ANKAR: variants seen among roughly 807,000 people sequenced by gnomAD.
ANKAR encodes the protein ankyrin and armadillo repeat-containing protein.
In ANKAR, 136 loss-of-function variants were observed where a neutral mutation model predicts 146.2. The ratio of observed to expected loss-of-function variants is 0.93; its 90% confidence interval spans 0.81 to 1.07. The LOEUF (loss-of-function observed/expected upper bound fraction) is 1.07, where lower values mean the gene tolerates loss of function less well. ANKAR is among the 50% of genes least tolerant of loss of function. The probability of loss-of-function intolerance (pLI) is 0.00; values close to 1 mark genes in which losing one functional copy is unlikely to be tolerated. For synonymous variants in ANKAR, 500 were observed against 575.8 expected, an observed-to-expected ratio of 0.87 and a Z score of 1.88; for missense variants, 1,567 against 1,679.9, an observed-to-expected ratio of 0.93 and a Z score of 1.18.
At position 189,676,847 on chromosome 2, in the gene ANKAR, C is replaced by T. The variant is rs2033771560; in HGVS notation, c.357C>T (p.Ser119=). The T allele has an allele frequency of 1.2e-6, 2 of 1,614,144 alleles. No individual in the cohort carries two copies. Among genetic ancestry groups the T allele is most frequent in the East Asian group, 2.2e-5 (1 of 44,876 alleles). Residue 119 remains serine (S), a synonymous_variant, in exon 2 of 23, where the codon TCC becomes TCT. Coordinates refer to ENST00000684021, the MANE Select transcript of ANKAR (RefSeq NM_001378068.1). ...IGIYCLNQIP[S]ISLEANYDQS... is the part of the protein sequence containing the mutation. Reference sequence around the variant, plus strand: ...TTTATTGCCTAAATCAAATCCCTTCCATCAGTTTAGAAGCTAATTATGATC... The same window carrying T: ...TTTATTGCCTAAATCAAATCCCTTCTATCAGTTTAGAAGCTAATTATGATC...
intron 10 of ANKAR, among the ~76,000 whole-genome samples, chr2:189,711,415 A>G (rs185355396): frequency 6.6e-6 from 1 of 152,230 alleles, no homozygotes; most frequent in African/African-American, 2.4e-5. Flanking sequence ...GTTAATTTAA[A>G]TGTTAAATTA....
chr2:189,749,977 G>T (rs2044876989), downstream of ANKAR, among the ~76,000 whole-genome samples: 1 of 152,084 alleles, frequency 6.6e-6, no homozygotes, highest in African/African-American at 2.4e-5. Context: ...CAAAAAATTA[G>T]CCAGACGTGG....
intron 18 of ANKAR, chr2:189,754,655 T>A (rs2045808294): frequency 6.6e-6 from 2 of 304,328 alleles, no homozygotes; most frequent in Non-Finnish European, 1.2e-5. Flanking sequence ...ACTTGTCCTA[T>A]ACTTCCTATT....
intron 16 of ANKAR, among the ~76,000 whole-genome samples, chr2:189,732,705 C>G (rs1377605944): frequency 7.3e-6 from 1 of 137,560 alleles, no homozygotes; most frequent in Non-Finnish European, 1.6e-5. Flanking sequence ...TAAAGCCTTA[C>G]AACTCAATGG....
At chr2:189,762,631 T>C, downstream of ANKAR, 26 of 985,374 alleles carry the variant, frequency 2.6e-5, no homozygotes, top group Non-Finnish European at 3.1e-5. Context: ...CTGGAACCGC[T>C]TTTCCAGGTG....
chr2:189,743,314 TAC>T lies in ANKAR; in HGVS notation c.3852_3853del (p.Tyr1284Ter). On this transcript the variant is annotated frameshift_variant, in exon 21 of 23. Coordinates refer to ENST00000684021, the MANE Select transcript of ANKAR (RefSeq NM_001378068.1). LOFTEE classifies it high-confidence loss of function. ...ACSSALGYLTYNANAFRILLK... is the reference protein window; with the variant it reads ...ACSSALGYLTXNANAFRILLK... ...TTCCTCTGCTCTTGGCTACTTAACA[TAC>T]AATGCAAATGCTTTCCGCATCCTAT... is the stretch of plus-strand genomic sequence containing the variant. The T allele has an allele frequency of 6.2e-7, 1 of 1,614,036 alleles. No individual in the cohort carries two copies. Among genetic ancestry groups the T allele is most frequent in the South Asian group, 1.1e-5 (1 of 91,070 alleles).
At chr2:189,680,360 G>T (rs1443485417) in intron 2 of ANKAR, among the ~76,000 whole-genome samples, 1 of 151,884 alleles carries the variant, frequency 6.6e-6, no homozygotes, top group Non-Finnish European at 1.5e-5. Flanking sequence ...AGTTAATGGT[G>T]AATCAATTTT....
At position 189,695,223 on chromosome 2, in the gene ANKAR, T is replaced by G. The variant is rs1008545389; in HGVS notation, c.1488+62T>G. 1.2e-5 allele frequency: 16 copies of G among 1,329,508 alleles called. No individual in the cohort carries two copies. In the African/African-American group the frequency reaches 2.3e-4, roughly 19 times the overall value. The allele number at this position is 1,329,508 out of a possible 1,614,324, so 82.4% of individuals were successfully genotyped here. On this transcript the variant is annotated intron_variant, in intron 6 of 22. Coordinates refer to ENST00000684021, the MANE Select transcript of ANKAR (RefSeq NM_001378068.1). ...GTTATGTATTATTGATAAGTATGTG[T>G]CTCAAACAGATGTTTATCCTAGGGA...
intron 18 of ANKAR, among the ~76,000 whole-genome samples, chr2:189,758,836 T>G (rs1354859791): frequency 5.9e-5 from 9 of 152,188 alleles, no homozygotes; most frequent in Admixed American, 3.3e-4. Flanking sequence ...AAAGAAAATA[T>G]GCAGGGTATG....
At chr2:189,743,225 AT>A (rs779297105) in intron 20 of ANKAR, 49 bp from the exon 21 acceptor site, 11 of 1,555,572 alleles carry the variant, frequency 7.1e-6, no homozygotes, top group Non-Finnish European at 1.8e-6. Context: ...ACATTAAGAT[AT>A]TTTAAGAACA....
At chr2:189,722,263 C>T (rs184835402) in intron 12 of ANKAR, among the ~76,000 whole-genome samples, 206 of 144,822 alleles carry the variant, frequency 1.4e-3, no homozygotes, top group East Asian at 8.3e-4. Context: ...TGCCTGAACC[C>T]GAGAGGCGGA....
At chr2:189,708,527 A>G (rs1467063814) in intron 9 of ANKAR, among the ~76,000 whole-genome samples, 2 of 152,250 alleles carry the variant, frequency 1.3e-5, no homozygotes, top group Admixed American at 6.5e-5. Flanking sequence ...AATAAATTAC[A>G]TGAGTTATTA....
rs556026468 is a variant in ANKAR, at chr2:189,745,968, C to G, written c.4058-412C>G. Among the ~76,000 whole-genome samples, 8 of 152,198 alleles carry G rather than the reference C, an allele frequency of 5.3e-5. 1 individual carries two copies. The East Asian group carries it at 1.5e-3, about 29-fold the overall frequency. On this transcript the variant is annotated intron_variant, in intron 22 of 22. Coordinates refer to ENST00000684021, the MANE Select transcript of ANKAR (RefSeq NM_001378068.1). ...TTAACACTGGTTTCTAAACAACAAC[C>G]TGTTTATCAGTCATGATCTGATGAA...
At chr2:189,707,946 A>C (rs1191870742) in intron 9 of ANKAR, among the ~76,000 whole-genome samples, 3 of 152,202 alleles carry the variant, frequency 2.0e-5, no homozygotes, top group Admixed American at 1.3e-4. Flanking sequence ...TTGAGAACTG[A>C]CAGTGCCCGT....
At chr2:189,749,934 C>A (rs2044866416), downstream of ANKAR, among the ~76,000 whole-genome samples, 1 of 152,062 alleles carries the variant, frequency 6.6e-6, no homozygotes, top group Non-Finnish European at 1.5e-5. Flanking sequence ...CCACCCTGGG[C>A]AACATGGTGA....
At chr2:189,683,393 A>G (rs1036332899) in intron 2 of ANKAR, among the ~76,000 whole-genome samples, 2 of 152,236 alleles carry the variant, frequency 1.3e-5, no homozygotes, top group African/African-American at 4.8e-5. Context: ...TCAGGAGTCT[A>G]ACAGCAGTGG....
chr2:189,718,433 C>T (rs2040825400), intron 10 of ANKAR, among the ~76,000 whole-genome samples: 1 of 152,090 alleles, frequency 6.6e-6, no homozygotes, highest in South Asian at 2.1e-4. Context: ...ATATGGTAGC[C>T]ACTACCCTAA....
Position 189,676,861 on chromosome 2 carries a change from C to G in ANKAR, c.371C>G (p.Ala124Gly), listed in dbSNP as rs1320934247. 2.5e-6 allele frequency: 4 copies of G among 1,614,126 alleles called. No individual in the cohort carries two copies. The East Asian group carries it at 8.9e-5, about 36-fold the overall frequency. The change falls in exon 2 of 23, where the codon GCT (alanine) becomes GGT (glycine). Residue 124 changes from alanine (A) to glycine (G), a missense_variant. Physicochemically the swap from Ala to Gly is moderately conservative, Grantham distance 60. Coordinates refer to ENST00000684021, the MANE Select transcript of ANKAR (RefSeq NM_001378068.1). ...LNQIPSISLEANYDQSSSCQL... is the reference protein window; with the variant it reads ...LNQIPSISLEGNYDQSSSCQL... ...CAAATCCCTTCCATCAGTTTAGAAG[C>G]TAATTATGATCAGAGTTCTTCTTGT... is the stretch of plus-strand genomic sequence containing the variant.
intron 15 of ANKAR, 55 bp downstream of exon 15, chr2:189,728,876 C>T (rs911934887): frequency 1.5e-5 from 23 of 1,509,834 alleles, no homozygotes; most frequent in African/African-American, 5.5e-5. Context: ...GAACAGATTG[C>T]GCAGAGAAGT....
Sources: allele counts gnomAD v4.1 joint callset (sites outside exome capture counted in the v4.1 genomes callset), GRCh38; gene constraint gnomAD v4.1.1; transcripts MANE v1.5; gene names NCBI Gene and HGNC (gene_info 2026-07-23, HGNC 2026-07-21).